Variants in DNAH7 observed in about 807,000 individuals in gnomAD.
The protein encoded by DNAH7 is axonemal beta dynein heavy chain 7.
In DNAH7, 397 loss-of-function variants were observed where a neutral mutation model predicts 444.6. That is an observed-to-expected ratio of 0.89 (90% CI 0.82 to 0.97). The LOEUF (loss-of-function observed/expected upper bound fraction) is 0.97, where lower values mean the gene tolerates loss of function less well. Among genes scored for constraint, DNAH7 ranks in the 50% least tolerant of loss-of-function variants. The pLI is 0.00. For missense variants in DNAH7, 4,902 were observed against 4,800.8 expected, an observed-to-expected ratio of 1.02 and a Z score of -0.62; for synonymous variants, 1,636 against 1,624.4, an observed-to-expected ratio of 1.01 and a Z score of -0.17.
intron 3 of DNAH7, among the ~76,000 whole-genome samples, chr2:196,048,915 C>T (rs776172913): frequency 6.6e-6 from 1 of 152,162 alleles, no homozygotes; most frequent in Non-Finnish European, 1.5e-5. Flanking sequence ...AGGTTCCTGG[C>T]ACTCAGGCTC....
intron 24 of DNAH7, 54 bp downstream of exon 24, chr2:195,922,034 G>A (rs1688056095): frequency 9.8e-7 from 1 of 1,018,274 alleles, no homozygotes; most frequent in African/African-American, 1.6e-5. Context: ...TAAATCAGTG[G>A]TACAGGGGTG....
chr2:195,934,856 T>G, intron 20 of DNAH7, 67 bp from the exon 21 acceptor site: 1 of 1,535,236 alleles, frequency 6.5e-7, no homozygotes, highest in Non-Finnish European at 8.9e-7. Context: ...CCAGAGTTCT[T>G]CGTTTAAAGT....
chr2:196,037,303 A>G (rs1418835509), intron 5 of DNAH7, among the ~76,000 whole-genome samples: 1 of 152,216 alleles, frequency 6.6e-6, no homozygotes, highest in Non-Finnish European at 1.5e-5. Flanking sequence ...GTTATAACAG[A>G]TGCACAGATA....
At chr2:195,909,110 T>C (rs1308500523) in intron 25 of DNAH7, among the ~76,000 whole-genome samples, 1 of 151,984 alleles carries the variant, frequency 6.6e-6, no homozygotes, top group East Asian at 1.9e-4. Flanking sequence ...AGAGTGAGGA[T>C]TGAAAAACTA....
chr2:196,026,693 T>G, intron 7 of DNAH7, 67 bp downstream of exon 7: 1 of 1,120,272 alleles, frequency 8.9e-7, no homozygotes, highest in Non-Finnish European at 1.3e-6. Flanking sequence ...TAGGTATTAT[T>G]AATACAAAAA....
Position 195,864,612 on chromosome 2 carries a change from T to G in DNAH7, c.7043A>C (p.Gln2348Pro). 1.9e-6 allele frequency: 3 copies of G among 1,614,178 alleles called. No individual in the cohort carries two copies. Among genetic ancestry groups the G allele is most frequent in the Non-Finnish European group, 2.5e-6 (3 of 1,180,038 alleles). Residue 2348 changes from glutamine to proline, a missense_variant, in exon 41 of 65, where the codon CAG becomes CCG. Gln to Pro is a moderately conservative substitution (Grantham distance 76, BLOSUM62 -1). Transcript: ENST00000312428. Reference protein sequence around the residue: ...LLVGVGGSGRQSVTRLAAHMA... With the variant: ...LLVGVGGSGRPSVTRLAAHMA... ...GTGGGCAGCTAATCTGGTGACAGAC[T>G]GCCTTCCACTCCCTCCAACCCCTAC...
intron 48 of DNAH7, among the ~76,000 whole-genome samples, chr2:195,827,709 G>A (rs953601825): frequency 6.6e-6 from 1 of 151,770 alleles, no homozygotes; most frequent in Non-Finnish European, 1.5e-5. Context: ...ACCTCACATA[G>A]GTGGAACTAT....
chr2:196,040,186 C>G (rs142286495), intron 5 of DNAH7, among the ~76,000 whole-genome samples: 21 of 152,200 alleles, frequency 1.4e-4, no homozygotes, highest in South Asian at 1.0e-3. Context: ...ATTCCAAAAA[C>G]TTGAAGAGAA....
intron 14 of DNAH7, 49 bp from the exon 15 acceptor site, chr2:195,984,759 T>G (rs781420715): frequency 6.7e-7 from 1 of 1,494,584 alleles, no homozygotes; most frequent in Admixed American, 1.7e-5. Context: ...TTCAATTTAA[T>G]TCCAAAATAT....
intron 14 of DNAH7, 145 bp from the exon 15 acceptor site, chr2:195,984,855 T>C (rs896862161): frequency 8.0e-5 from 55 of 689,474 alleles, no homozygotes; most frequent in East Asian, 7.4e-4. Flanking sequence ...TAAAAGCAAA[T>C]TTGCATACAT....
At chr2:195,938,079 T>C (rs1689172463) in intron 19 of DNAH7, among the ~76,000 whole-genome samples, 1 of 152,132 alleles carries the variant, frequency 6.6e-6, no homozygotes, top group South Asian at 2.1e-4. Flanking sequence ...TTTTATTCAA[T>C]TGCAGGAGTC....
At chr2:196,052,021 C>T (rs757330372) in intron 2 of DNAH7, among the ~76,000 whole-genome samples, 3 of 152,180 alleles carry the variant, frequency 2.0e-5, no homozygotes, top group African/African-American at 7.2e-5. Flanking sequence ...TCAAATAAAA[C>T]CTTTTTACTT....
intron 12 of DNAH7, among the ~76,000 whole-genome samples, chr2:195,997,057 T>C (rs2125672921): frequency 6.6e-6 from 1 of 152,312 alleles, no homozygotes; most frequent in South Asian, 2.1e-4. Flanking sequence ...GCAATCTATA[T>C]GATGTACTGT....
At chr2:195,915,245 G>T (rs1038224653) in intron 24 of DNAH7, among the ~76,000 whole-genome samples, 9 of 152,144 alleles carry the variant, frequency 5.9e-5, no homozygotes, top group Non-Finnish European at 1.2e-4. Flanking sequence ...CGTAATGTAG[G>T]GAATGTCAGA....
At chr2:195,907,042 T>G in intron 25 of DNAH7, 33 bp from the exon 26 acceptor site, 1 of 1,537,478 alleles carries the variant, frequency 6.5e-7, no homozygotes. Context: ...ATTTTTGACT[T>G]TATCTGATTC....
chr2:196,045,937 A>G (rs988043507), intron 5 of DNAH7, among the ~76,000 whole-genome samples: 6 of 152,144 alleles, frequency 3.9e-5, no homozygotes, highest in Admixed American at 3.3e-4. Context: ...GGGATTAAAC[A>G]AGCTATTAAA....
chr2:195,960,931 A>G lies in DNAH7; in HGVS notation c.2220T>C (p.Asn740=), dbSNP rs1474888245. The G allele has an allele frequency of 2.5e-6, 4 of 1,594,490 alleles. No homozygotes were observed. The highest frequency in any genetic ancestry group is 1.1e-5 in the South Asian group (1 of 88,370). ...DLAADKIEQF[N]AEEEAFGWLP... ...GCCAACCAAATGCTTCCTCTTCAGC[A>G]TTAAACTGCTCAATCTGAAAGGATA... Residue 740 remains asparagine (N), a synonymous_variant, in exon 18 of 65, where the codon AAT becomes AAC. Coordinates refer to ENST00000312428, the MANE Select transcript of DNAH7 (RefSeq NM_018897.3).
chr2:195,860,683 T>C (rs1037588272), intron 42 of DNAH7, among the ~76,000 whole-genome samples: 3 of 152,114 alleles, frequency 2.0e-5, no homozygotes, highest in Admixed American at 6.5e-5. Flanking sequence ...GGGTTAGCCA[T>C]AGGAAGATTT....
intron 63 of DNAH7, among the ~76,000 whole-genome samples, chr2:195,741,574 G>A (rs1020380921): frequency 6.6e-6 from 1 of 152,212 alleles, no homozygotes; most frequent in Non-Finnish European, 1.5e-5. Context: ...ACTTTGGGAA[G>A]ACCAAAGTTT....
Sources: allele counts gnomAD v4.1 joint callset (sites outside exome capture counted in the v4.1 genomes callset), GRCh38; gene constraint gnomAD v4.1.1; transcripts MANE v1.5; gene names NCBI Gene and HGNC (gene_info 2026-07-23, HGNC 2026-07-21).